Variants in EIF5A observed in about 807,000 individuals in gnomAD.
The protein encoded by EIF5A is eukaryotic translation initiation factor 5A, also known as eukaryotic translation initiation factor 5A-1.
EIF5A carries 1 observed loss-of-function variant against 16.6 expected under a neutral mutation model. That is an observed-to-expected ratio of 0.06 (90% CI 0.02 to 0.28). The LOEUF (loss-of-function observed/expected upper bound fraction) is 0.28, where lower values mean the gene tolerates loss of function less well. Among genes scored for constraint, EIF5A ranks in the 10% least tolerant of loss-of-function variants. EIF5A has a pLI of 1.00. For missense variants in EIF5A, 29 were observed against 196.1 expected (o/e 0.15, Z 5.09); for synonymous variants, 80 against 73.6 (o/e 1.09, Z -0.44).
At chr17:7,311,212 G>A (rs2072816062) in intron 3 of EIF5A, 90 bp downstream of exon 3, 2 of 1,579,168 alleles carry the variant, frequency 1.3e-6, no homozygotes, top group Non-Finnish European at 1.7e-6. Context: ...AGCTTGTGCT[G>A]GGAGAGAGGA....
At chr17:7,310,448 T>A in intron 2 of EIF5A, 1 of 1,176,260 alleles carries the variant, frequency 8.5e-7, no homozygotes, top group Non-Finnish European at 1.1e-6. Context: ...TTGTTGAATT[T>A]CTTGTGGTGT....
At chr17:7,307,314 G>T (rs1306653717), upstream of EIF5A, 4 of 1,175,800 alleles carry the variant, frequency 3.4e-6, no homozygotes, top group Non-Finnish European at 4.5e-6. Context: ...GGTGTGGAGT[G>T]CAGGGCTCCT....
upstream of EIF5A, chr17:7,307,422 G>A: frequency 1.8e-6 from 2 of 1,095,850 alleles, no homozygotes; most frequent in Non-Finnish European, 1.1e-6. Flanking sequence ...GCGCCTGCGC[G>A]TTGCAGATTA....
At chr17:7,311,691 G>C in intron 5 of EIF5A, 40 bp downstream of exon 5, 3 of 1,611,670 alleles carry the variant, frequency 1.9e-6, no homozygotes, top group Admixed American at 1.7e-5. Context: ...TTCACATTTT[G>C]TTGTCCTCAG....
intron 2 of EIF5A, chr17:7,310,630 A>T (rs1038202039): frequency 1.0e-6 from 1 of 985,012 alleles, no homozygotes; most frequent in South Asian, 4.7e-5. Flanking sequence ...TTAGTTTCTT[A>T]TCCTTTCCCT....
chr17:7,308,385 C>T, intron 1 of EIF5A: 2 of 1,217,466 alleles, frequency 1.6e-6, no homozygotes, highest in Non-Finnish European at 2.1e-6. Context: ...GAGCCGGCAG[C>T]CCCTAGCGCG....
rs2072855033 is a variant in EIF5A at position 7,312,264 on chromosome 17, C to T, written c.*454C>T. Reference sequence around the variant, plus strand: ...CACCCCAACAGACTGGGGACCAGCCCCCTCGCCTGCCTGTGTCTCTCCCCA... The same window carrying T: ...CACCCCAACAGACTGGGGACCAGCCTCCTCGCCTGCCTGTGTCTCTCCCCA... On this transcript the variant is annotated 3_prime_UTR_variant, in exon 6 of 6. Transcript: ENST00000336458. The T allele has an allele frequency of 5.4e-6, 1 of 183,900 alleles. No individual in the cohort carries two copies. The highest frequency in any genetic ancestry group is 1.3e-4 in the South Asian group (1 of 7,884). 11.4% of individuals were successfully genotyped at this position (183,900 alleles called of 1,614,324 possible). A position where few individuals can be genotyped will look rare whatever the true frequency, so the allele number is the denominator to read the frequency against.
At chr17:7,307,915 CG>C (rs2072674395) in intron 1 of EIF5A, 163 bp downstream of exon 1, 1 of 983,042 alleles carries the variant, frequency 1.0e-6, no homozygotes, top group Admixed American at 6.2e-5. Context: ...GCGCGCGCCC[CG>C]GTTGGCGCGC....
upstream of EIF5A, chr17:7,307,062 G>A (rs1439059529): frequency 3.1e-6 from 5 of 1,603,378 alleles, no homozygotes; most frequent in East Asian, 2.2e-5. Flanking sequence ...TGGAACTGGG[G>A]GGACTGATTC....
At chr17:7,310,473 T>C (rs2072787160) in intron 2 of EIF5A, 1 of 1,172,644 alleles carries the variant, frequency 8.5e-7, no homozygotes, top group Non-Finnish European at 1.1e-6. Flanking sequence ...CCTTAATCAG[T>C]TTTTCCATCT....
At chr17:7,310,202 C>A (rs1055749030) in intron 2 of EIF5A, 1 of 1,291,522 alleles carries the variant, frequency 7.7e-7, no homozygotes, top group African/African-American at 1.5e-5. Flanking sequence ...ACGCCTTCCC[C>A]TGGAGGGACT....
intron 1 of EIF5A, among the ~76,000 whole-genome samples, chr17:7,309,065 C>T (rs1048352540): frequency 2.0e-5 from 3 of 150,766 alleles, no homozygotes; most frequent in African/African-American, 7.4e-5. Context: ...TGCATGTTGG[C>T]GAGGCGGGAA....
chr17:7,311,213 G>T (rs1567613406), intron 3 of EIF5A, 91 bp downstream of exon 3: 3 of 1,577,708 alleles, frequency 1.9e-6, no homozygotes, highest in Admixed American at 3.5e-5. Flanking sequence ...GCTTGTGCTG[G>T]GAGAGAGGAG....
At position 7,311,563 on chromosome 17, in the gene EIF5A, C is replaced by T. The variant is rs748678843; in HGVS notation, c.403-15C>T. 1.9e-6 allele frequency: 3 copies of T among 1,614,190 alleles called. No homozygotes were observed. In the East Asian group the frequency reaches 6.7e-5, roughly 36 times the overall value. ...GAGCTCAGACATCTCTTGGCTATCC[C>T]TCTTGCTTCTCCAGATCACGGTGCT... On this transcript the variant is annotated splice_polypyrimidine_tract_variant and intron_variant, in intron 4 of 5. Transcript: ENST00000336458.
chr17:7,309,896 C>T (rs2143008843), intron 2 of EIF5A, 96 bp downstream of exon 2: 1 of 1,612,222 alleles, frequency 6.2e-7, no homozygotes, highest in Non-Finnish European at 8.5e-7. Context: ...TTTCCTTTAA[C>T]TCTGCTTTTA....
rs1391417850 is a variant in EIF5A, at chr17:7,308,300, GC to G, written c.-22+550del. ...GCCGCATGGCCAAGCGTGGACCGGGGCCGCATGGCAGCGCGGGGACCCCTCC... is the reference window on the plus strand; with the variant it reads ...GCCGCATGGCCAAGCGTGGACCGGGGCGCATGGCAGCGCGGGGACCCCTCC... On this transcript the variant is annotated intron_variant, in intron 1 of 5. Transcript: ENST00000336458. The G allele has an allele frequency of 1.5e-5, 17 of 1,143,094 alleles. No individual in the cohort carries two copies. In the East Asian group the frequency reaches 1.3e-3, roughly 87 times the overall value. 70.8% of individuals were successfully genotyped at this position (1,143,094 alleles called of 1,614,324 possible).
chr17:7,309,824 T>C (rs1227589441), intron 2 of EIF5A, 24 bp downstream of exon 2: 2 of 1,614,108 alleles, frequency 1.2e-6, no homozygotes, highest in Non-Finnish European at 1.7e-6. Context: ...CTCCGCATCT[T>C]GCCTTCCCCA....
intron 1 of EIF5A, chr17:7,308,333 G>C (rs1159780194): frequency 1.3e-5 from 15 of 1,174,092 alleles, no homozygotes; most frequent in African/African-American, 1.6e-5. Context: ...CTCCCCCCAG[G>C]TCCCGGCCAC....
Position 7,310,133 on chromosome 17 carries a change from C to A in EIF5A, c.165+333C>A, listed in dbSNP as rs948847603. 3.0e-6 allele frequency: 4 copies of A among 1,314,578 alleles called. No homozygotes were observed. The African/African-American group carries it at 6.0e-5, about 20-fold the overall frequency. The allele number at this position is 1,314,578 out of a possible 1,614,324, so 81.4% of individuals were successfully genotyped here. A position where few individuals can be genotyped will look rare whatever the true frequency, so the allele number is the denominator to read the frequency against. ...TCTTGGTTTTCACTTTTTCTTTCTTCCCTTGAGCCGTTGTTAAGTGGTTGC... is the reference window on the plus strand; with the variant it reads ...TCTTGGTTTTCACTTTTTCTTTCTTACCTTGAGCCGTTGTTAAGTGGTTGC... On this transcript the variant is annotated intron_variant, in intron 2 of 5. Coordinates refer to ENST00000336458, the MANE Select transcript of EIF5A (RefSeq NM_001970.5).
Sources: gnomAD v4.1 joint callset for allele counts (sites outside exome capture counted in the v4.1 genomes callset) on GRCh38, gnomAD v4.1.1 for gene constraint, MANE v1.5 for transcripts, NCBI Gene and HGNC (gene_info 2026-07-23, HGNC 2026-07-21) for gene names.